SPATA17: variants seen among roughly 807,000 people sequenced by gnomAD.
SPATA17 encodes spermatogenesis-associated protein 17.
SPATA17 carries 53 observed loss-of-function variants against 62.2 expected under a neutral mutation model. That is an observed-to-expected ratio of 0.85 (90% CI 0.68 to 1.07). The LOEUF is 1.07. Ranked by LOEUF, SPATA17 falls within the 50% of genes least tolerant of loss-of-function variation. The probability of loss-of-function intolerance (pLI) is 0.00; values close to 1 mark genes in which losing one functional copy is unlikely to be tolerated. For synonymous variants in SPATA17, 146 were observed against 146.8 expected, an observed-to-expected ratio of 0.99 and a Z score of 0.04; for missense variants, 466 against 425.5, an observed-to-expected ratio of 1.10 and a Z score of -0.84.
At position 217,868,102 on chromosome 1, in the gene SPATA17, G is replaced by A. The variant is rs1307490823; in HGVS notation, c.*1083G>A. ...AATCACTGTGTGTGTACAGTTTTGA[G>A]CTCCTGATTTAAATAAACAAATTGT... On this transcript the variant is annotated 3_prime_UTR_variant, in exon 11 of 11. Coordinates refer to ENST00000366933, the MANE Select transcript of SPATA17 (RefSeq NM_138796.4). 2 of 152,266 alleles carry A rather than the reference G, an allele frequency of 1.3e-5. No homozygotes were observed. Among genetic ancestry groups the A allele is most frequent in the South Asian group, 2.1e-4 (1 of 4,830 alleles). 9.4% of individuals were successfully genotyped at this position (152,266 alleles called of 1,614,324 possible).
chr1:217,778,436 G>A (rs1368325681), intron 7 of SPATA17, among the ~76,000 whole-genome samples: 2 of 151,996 alleles, frequency 1.3e-5, no homozygotes, highest in Admixed American at 6.6e-5. Flanking sequence ...CAGGAGAATC[G>A]CTTGAACCTG....
chr1:217,827,823 G>C (rs1675037122), intron 9 of SPATA17, among the ~76,000 whole-genome samples: 1 of 152,106 alleles, frequency 6.6e-6, no homozygotes, highest in African/African-American at 2.4e-5. Flanking sequence ...ATAAGTGATA[G>C]CTGAACAATG....
At chr1:217,826,341 C>T (rs1675001482) in intron 9 of SPATA17, among the ~76,000 whole-genome samples, 1 of 152,036 alleles carries the variant, frequency 6.6e-6, no homozygotes, top group African/African-American at 2.4e-5. Flanking sequence ...TCTTTGTAGG[C>T]CCAAATATAG....
chr1:217,636,475 G>C lies in SPATA17; in HGVS notation c.68+5029G>C, dbSNP rs61431431. Reference sequence around the variant, plus strand: ...GTTGCCCAGGCTGGAGTGCAGTGGCGTGATCTCAGGTCACTGCACCTCTGC... The same window carrying C: ...GTTGCCCAGGCTGGAGTGCAGTGGCCTGATCTCAGGTCACTGCACCTCTGC... On this transcript the variant is annotated intron_variant, in intron 1 of 10. Transcript: ENST00000366933. Among the ~76,000 whole-genome samples, 1,235 of 152,140 alleles carry C rather than the reference G, an allele frequency of 8.1e-3. 15 individuals are homozygous for C. The highest frequency in any genetic ancestry group is 0.022 in the African/African-American group (928 of 41,512).
At chr1:217,847,186 A>C (rs1452888232) in intron 9 of SPATA17, among the ~76,000 whole-genome samples, 2 of 151,976 alleles carry the variant, frequency 1.3e-5, no homozygotes, top group Non-Finnish European at 2.9e-5. Flanking sequence ...ATAATGAAAT[A>C]ATATATTAAT....
At chr1:217,760,251 T>C (rs944398015) in intron 6 of SPATA17, among the ~76,000 whole-genome samples, 43 of 152,220 alleles carry the variant, frequency 2.8e-4, no homozygotes, top group African/African-American at 8.4e-4. Context: ...CTTTCTACTA[T>C]CAAATAGTTG....
intron 6 of SPATA17, among the ~76,000 whole-genome samples, chr1:217,766,327 T>C (rs1673299580): frequency 6.6e-6 from 1 of 152,080 alleles, no homozygotes; most frequent in East Asian, 1.9e-4. Flanking sequence ...CTCTACTTTC[T>C]TAGTATGTAA....
chr1:217,760,687 A>G (rs1313096164), intron 6 of SPATA17, among the ~76,000 whole-genome samples: 1 of 152,214 alleles, frequency 6.6e-6, no homozygotes, highest in East Asian at 1.9e-4. Context: ...ACAAATGCCC[A>G]ATTATATTAT....
At chr1:217,709,020 A>G (rs1671798796) in intron 5 of SPATA17, among the ~76,000 whole-genome samples, 1 of 152,238 alleles carries the variant, frequency 6.6e-6, no homozygotes, top group South Asian at 2.1e-4. Context: ...CAAACAAGGC[A>G]TTGAAGGAAC....
At chr1:217,863,315 G>A (rs1412962876) in intron 10 of SPATA17, among the ~76,000 whole-genome samples, 2 of 151,814 alleles carry the variant, frequency 1.3e-5, no homozygotes, top group African/African-American at 4.8e-5. Flanking sequence ...ATTTTTAGTA[G>A]AGATGAGGTT....
chr1:217,680,711 G>A (rs1671059607), intron 4 of SPATA17, among the ~76,000 whole-genome samples: 1 of 151,000 alleles, frequency 6.6e-6, no homozygotes, highest in African/African-American at 2.4e-5. Context: ...GATCATTTAA[G>A]GTTAGGAGTT....
At chr1:217,832,047 G>A (rs1675155642) in intron 9 of SPATA17, among the ~76,000 whole-genome samples, 1 of 152,032 alleles carries the variant, frequency 6.6e-6, no homozygotes, top group African/African-American at 2.4e-5. Flanking sequence ...TAATTTTTGA[G>A]GCAGTGGATA....
At chr1:217,714,473 G>A (rs574664750) in intron 5 of SPATA17, among the ~76,000 whole-genome samples, 6 of 144,486 alleles carry the variant, frequency 4.2e-5, no homozygotes, top group Non-Finnish European at 6.1e-5. Context: ...TGAGTTGAAC[G>A]TGGAAAACGT....
At position 217,868,693 on chromosome 1, in the gene SPATA17, T is replaced by A; in HGVS notation, c.*1674T>A. The A allele has an allele frequency of 6.7e-6, 1 of 148,676 alleles. No homozygotes were observed. The highest frequency in any genetic ancestry group is 2.0e-4 in the East Asian group (1 of 5,064). The allele number at this position is 148,676 out of a possible 1,614,324, so 9.2% of individuals were successfully genotyped here. ...TTTTTTTTTTTTTTTTTTTTTTTAA[T>A]TTCTGAGACAGAGTCTCATTCTGTC... On this transcript the variant is annotated 3_prime_UTR_variant, in exon 11 of 11. Coordinates refer to ENST00000366933, the MANE Select transcript of SPATA17 (RefSeq NM_138796.4).
At chr1:217,808,506 A>G (rs1674500236) in intron 9 of SPATA17, among the ~76,000 whole-genome samples, 1 of 152,140 alleles carries the variant, frequency 6.6e-6, no homozygotes, top group South Asian at 2.1e-4. Context: ...ATCAGTGAGG[A>G]TTCATTCATT....
intron 9 of SPATA17, among the ~76,000 whole-genome samples, chr1:217,817,587 T>A (rs1674752868): frequency 6.6e-6 from 1 of 152,056 alleles, no homozygotes; most frequent in South Asian, 2.1e-4. Context: ...CAGATGGTGA[T>A]GATGGTGTGT....
intron 6 of SPATA17, among the ~76,000 whole-genome samples, chr1:217,753,793 A>T (rs960801956): frequency 2.0e-5 from 3 of 152,176 alleles, no homozygotes; most frequent in African/African-American, 7.2e-5. Context: ...AAAGTACATA[A>T]CAAATGTAGC....
At chr1:217,747,582 CTGTT>C (rs1336829400) in intron 6 of SPATA17, among the ~76,000 whole-genome samples, 1 of 151,992 alleles carries the variant, frequency 6.6e-6, no homozygotes, top group East Asian at 1.9e-4. Flanking sequence ...AAATGTTACC[CTGTT>C]TTTCATTTTA....
chr1:217,672,108 A>C (rs1200351330), intron 4 of SPATA17, among the ~76,000 whole-genome samples: 1 of 152,194 alleles, frequency 6.6e-6, no homozygotes, highest in African/African-American at 2.4e-5. Flanking sequence ...CACTCTTAAA[A>C]TTCTGCTACT....
Sources: gnomAD v4.1 joint callset for allele counts (sites outside exome capture counted in the v4.1 genomes callset) on GRCh38, gnomAD v4.1.1 for gene constraint, MANE v1.5 for transcripts, NCBI Gene and HGNC (gene_info 2026-07-23, HGNC 2026-07-21) for gene names.